Variants in SLC66A2 observed in about 807,000 individuals in gnomAD.
SLC66A2 encodes the protein solute carrier family 66 member 2.
SLC66A2 carries 23 observed loss-of-function variants against 25.5 expected under a neutral mutation model. The ratio of observed to expected loss-of-function variants is 0.90; its 90% CI spans 0.65 to 1.28. SLC66A2 has a LOEUF of 1.28. SLC66A2 is among the 50% of genes most tolerant of loss of function. The pLI, the probability that SLC66A2 is intolerant of heterozygous loss-of-function variation, is 0.00. For synonymous variants in SLC66A2, 193 were observed against 166.5 expected, an observed-to-expected ratio of 1.16 and a Z score of -1.23; for missense variants, 396 against 373.1, an observed-to-expected ratio of 1.06 and a Z score of -0.51.
At chr18:79,909,344 G>C (rs1411090140) in intron 5 of SLC66A2, among the ~76,000 whole-genome samples, 2 of 152,142 alleles carry the variant, frequency 1.3e-5, no homozygotes, top group Non-Finnish European at 2.9e-5. Context: ...CCAGATCTAT[G>C]CATGTGTAGT....
At chr18:79,935,730 C>T (rs1987017397) in intron 3 of SLC66A2, among the ~76,000 whole-genome samples, 2 of 152,078 alleles carry the variant, frequency 1.3e-5, no homozygotes, top group South Asian at 2.1e-4. Flanking sequence ...GGTGGGTGTC[C>T]CAGCAGAGCC....
chr18:79,915,204 G>A (rs559167071), intron 5 of SLC66A2, among the ~76,000 whole-genome samples: 22 of 152,276 alleles, frequency 1.4e-4, no homozygotes, highest in Admixed American at 8.5e-4. Context: ...AAAACCGCCC[G>A]ATGGTCACTC....
At chr18:79,913,612 C>T (rs1024568672) in intron 5 of SLC66A2, among the ~76,000 whole-genome samples, 2 of 152,234 alleles carry the variant, frequency 1.3e-5, no homozygotes, top group East Asian at 1.9e-4. Context: ...TGCGCGCACG[C>T]GCGCATGGAG....
Position 79,937,687 on chromosome 18 carries a change from G to A in SLC66A2, c.338-3665C>T, listed in dbSNP as rs946501427. Among the ~76,000 whole-genome samples the A allele has an allele frequency of 1.3e-5, 2 of 152,136 alleles. No homozygotes were observed. The highest frequency in any genetic ancestry group is 6.5e-5 in the Admixed American group (1 of 15,276). On this transcript the variant is annotated intron_variant, in intron 3 of 5. Coordinates refer to ENST00000397778, the MANE Select transcript of SLC66A2 (RefSeq NM_025078.5). This position sits in a 1 kb window ranked among gnomAD's most constrained non-coding sequence, Gnocchi z 5.4. ...CGACGGAACGACGCAACCATCCTGC[G>A]AAACACAAGAACCAAACCTGGATCC...
In SLC66A2 at chr18:79,917,215, G is replaced by C. The variant is rs988070963; in HGVS notation, c.608+1969C>G. Among the ~76,000 whole-genome samples the C allele has an allele frequency of 6.6e-6, 1 of 152,250 alleles. No homozygotes were observed. The highest frequency in any genetic ancestry group is 6.5e-5 in the Admixed American group (1 of 15,290). On this transcript the variant is annotated intron_variant, in intron 5 of 5. Transcript: ENST00000397778. The surrounding 1 kb of genome is among the most constrained non-coding windows in gnomAD (Gnocchi z 6.0). ...GGCCAGCATCTGGAAACTCGGGTTT[G>C]AAGAGGATTCCCACGTCCCCCCAGC...
intron 5 of SLC66A2, among the ~76,000 whole-genome samples, chr18:79,908,098 C>T (rs1982396734): frequency 1.3e-5 from 2 of 152,102 alleles, no homozygotes; most frequent in Non-Finnish European, 2.9e-5. Flanking sequence ...CTAACTTTCA[C>T]ACATATTTTA....
intron 5 of SLC66A2, among the ~76,000 whole-genome samples, chr18:79,908,774 T>C (rs1982505772): frequency 6.6e-6 from 1 of 152,266 alleles, no homozygotes; most frequent in Admixed American, 6.5e-5. Flanking sequence ...CTCATCTCCA[T>C]TCTACAGTTG....
In SLC66A2 at chr18:79,940,605, T is replaced by TAC. The variant is rs1987577871; in HGVS notation, c.337+2722_337+2723dup. On this transcript the variant is annotated intron_variant, in intron 3 of 5. Coordinates refer to ENST00000397778, the MANE Select transcript of SLC66A2 (RefSeq NM_025078.5). The surrounding 1 kb of genome is among the most constrained non-coding windows in gnomAD (Gnocchi z 4.1). ...TGGCATGGGGCTGTGCTGCAGGAGC[T>TAC]ACCGATCGGGCGGCCAGAAGCCAGA... 6.6e-6 allele frequency among the ~76,000 whole-genome samples: 1 copy of TAC among 152,038 alleles called. No individual in the cohort carries two copies. Among genetic ancestry groups the TAC allele is most frequent in the African/African-American group, 2.4e-5 (1 of 41,388 alleles).
chr18:79,950,647 C>T, intron 2 of SLC66A2, 77 bp downstream of exon 2: 5 of 1,475,116 alleles, frequency 3.4e-6, no homozygotes, highest in Non-Finnish European at 4.7e-6. Flanking sequence ...CTGCTGCTCC[C>T]CCGGCCTCAA....
chr18:79,947,957 A>G (rs2050990091), intron 2 of SLC66A2, among the ~76,000 whole-genome samples: 1 of 151,932 alleles, frequency 6.6e-6, no homozygotes, highest in Non-Finnish European at 1.5e-5. Flanking sequence ...CGCTGTGTGG[A>G]GTGCAGGGAT....
chr18:79,914,028 C>T lies in SLC66A2; in HGVS notation c.608+5156G>A, dbSNP rs573276770. Among the ~76,000 whole-genome samples, 4 of 152,334 alleles carry T rather than the reference C, an allele frequency of 2.6e-5. No individual in the cohort carries two copies. In the East Asian group the frequency reaches 7.7e-4, roughly 29 times the overall value. On this transcript the variant is annotated intron_variant, in intron 5 of 5. Coordinates refer to ENST00000397778, the MANE Select transcript of SLC66A2 (RefSeq NM_025078.5). ...GGTTCAAGTGATTCTCCTGCCTCAG[C>T]TTCCTGAGTAGCTGGGATTACAGAC...
intron 3 of SLC66A2, 114 bp from the exon 4 acceptor site, chr18:79,934,136 AAAAAAC>A (rs992038538): frequency 2.0e-5 from 17 of 833,142 alleles, no homozygotes; most frequent in African/African-American, 1.7e-4. Flanking sequence ...TTTAAAAAAA[AAAAAAC>A]AAACCAGAAT....
intron 5 of SLC66A2, among the ~76,000 whole-genome samples, chr18:79,913,875 T>C (rs1983596574): frequency 6.6e-6 from 1 of 152,192 alleles, no homozygotes. Context: ...GTTCAGGCTG[T>C]CACGTTTCAG....
chr18:79,942,822 C>T (rs979350099), intron 3 of SLC66A2, among the ~76,000 whole-genome samples: 3 of 152,242 alleles, frequency 2.0e-5, no homozygotes, highest in Non-Finnish European at 4.4e-5. Flanking sequence ...CAGCTGTCAA[C>T]ACTGCAGTGT....
At chr18:79,910,851 TAACTGTG>T (rs1983006979) in intron 5 of SLC66A2, among the ~76,000 whole-genome samples, 1 of 152,244 alleles carries the variant, frequency 6.6e-6, no homozygotes, top group Non-Finnish European at 1.5e-5. Flanking sequence ...CCACACAAGT[TAACTGTG>T]AACAACTTTC....
intron 5 of SLC66A2, among the ~76,000 whole-genome samples, chr18:79,914,239 T>C (rs370860315): frequency 2.1e-4 from 32 of 152,226 alleles, no homozygotes; most frequent in Non-Finnish European, 4.3e-4. Context: ...GTTAAGTACG[T>C]GTGTGTGCAC....
In SLC66A2 at chr18:79,949,667, AAAAAC is replaced by A. The variant is rs560074036; in HGVS notation, c.203+1052_203+1056del. On this transcript the variant is annotated intron_variant, in intron 2 of 5. Transcript: ENST00000397778. ...GACAGAGCAAGACTCTGTCTCAAAA[AAAAAC>A]AAAACAAAACTAACAGGCAAAGAAG... 11 of 152,612 alleles carry A rather than the reference AAAAAC, an allele frequency of 7.2e-5. No homozygotes were observed. The East Asian group carries it at 1.5e-3, about 21-fold the overall frequency. 9.5% of individuals were successfully genotyped at this position (152,612 alleles called of 1,614,324 possible).
chr18:79,905,599 G>A (rs141502872), intron 5 of SLC66A2, among the ~76,000 whole-genome samples: 6 of 152,380 alleles, frequency 3.9e-5, no homozygotes, highest in South Asian at 2.1e-4. Flanking sequence ...CGAGCATTGC[G>A]CGGTGACCCC....
rs144227319 is a variant in SLC66A2 at position 79,942,128 on chromosome 18, C to T, written c.337+1201G>A. Among the ~76,000 whole-genome samples, 62 of 152,328 alleles carry T rather than the reference C, an allele frequency of 4.1e-4. No individual in the cohort carries two copies. In the East Asian group the frequency reaches 0.011, roughly 27 times the overall value. ...AACCGCAGCTCCTCATGCGGGGAAT[C>T]CGGCTGGTTCTTAAAAGCCTGCTTT... On this transcript the variant is annotated intron_variant, in intron 3 of 5. Coordinates refer to ENST00000397778, the MANE Select transcript of SLC66A2 (RefSeq NM_025078.5).
Sources: gnomAD v4.1 joint callset for allele counts (sites outside exome capture counted in the v4.1 genomes callset) on GRCh38, gnomAD v4.1.1 for gene constraint, Gnocchi (gnomAD v3.1) non-coding constraint, MANE v1.5 for transcripts, NCBI Gene and HGNC (gene_info 2026-07-23, HGNC 2026-07-21) for gene names.